Variants in LRRC52 observed in about 807,000 individuals in gnomAD.
LRRC52 encodes leucine rich repeat containing 52.
In LRRC52, 15 loss-of-function variants were observed where a neutral mutation model predicts 14.7. The observed-to-expected ratio is 1.02, with a 90% CI of 0.68 to 1.58. LRRC52 has a LOEUF of 1.58. LRRC52 is among the 40% of genes most tolerant of loss of function. The pLI, the probability that LRRC52 is intolerant of heterozygous loss-of-function variation, is 0.00. For synonymous variants in LRRC52, 180 were observed against 163.9 expected, an observed-to-expected ratio of 1.10 and a Z score of -0.75; for missense variants, 400 against 387.7, an observed-to-expected ratio of 1.03 and a Z score of -0.27.
intron 1 of LRRC52, among the ~76,000 whole-genome samples, chr1:165,560,357 A>G (rs937266710): frequency 6.6e-6 from 1 of 152,198 alleles, no homozygotes; most frequent in Non-Finnish European, 1.5e-5. Flanking sequence ...TCATAATTTA[A>G]AAAAGTACCA....
At chr1:165,558,635 G>A (rs1365555318) in intron 1 of LRRC52, among the ~76,000 whole-genome samples, 2 of 152,054 alleles carry the variant, frequency 1.3e-5, no homozygotes, top group African/African-American at 2.4e-5. Flanking sequence ...AGAAGGTATG[G>A]TTAACGAGCT....
rs779205045 is a variant in LRRC52 at position 165,563,629 on chromosome 1, G to T, written c.747G>T (p.Leu249=). The change falls in exon 2 of 2, where the codon CTG becomes CTT. Residue 249 remains leucine, a synonymous_variant. Transcript: ENST00000294818. Reference sequence around the variant, plus strand: ...ACCACAAAGACTACATCTTCCTGCTGCTCATCGGCTTCTGCATCTTCGCCG... The same window carrying T: ...ACCACAAAGACTACATCTTCCTGCTTCTCATCGGCTTCTGCATCTTCGCCG... The part of the protein sequence containing the change: ...HLDHKDYIFL[L]LIGFCIFAAG... 1.9e-6 allele frequency: 3 copies of T among 1,614,122 alleles called. No individual in the cohort carries two copies. In the Admixed American group the frequency reaches 5.0e-5, roughly 27 times the overall value.
rs774366104 is a variant in LRRC52, at chr1:165,544,905, T to C, written c.609T>C (p.His203=). 3.7e-6 allele frequency: 6 copies of C among 1,613,910 alleles called. No homozygotes were observed. The South Asian group carries it at 6.6e-5, about 18-fold the overall frequency. ...TCGCCATCTTCTTAATAGTGTTCCA[T>C]ATGGACCCCTCAGGTGAGGGCTTGA... The part of the protein sequence containing the change: ...LDFAIFLIVF[H]MDPSDDLNAT... Residue 203 remains histidine (H), a synonymous_variant, in exon 1 of 2, where the codon CAT becomes CAC. Coordinates refer to ENST00000294818, the MANE Select transcript of LRRC52 (RefSeq NM_001005214.4).
At chr1:165,549,016 G>A (rs1459065925) in intron 1 of LRRC52, among the ~76,000 whole-genome samples, 1 of 152,178 alleles carries the variant, frequency 6.6e-6, no homozygotes, top group Non-Finnish European at 1.5e-5. Flanking sequence ...GGGAAGGTGG[G>A]TAGCTGCTTC....
At chr1:165,558,386 C>T (rs1369875660) in intron 1 of LRRC52, among the ~76,000 whole-genome samples, 1 of 152,224 alleles carries the variant, frequency 6.6e-6, no homozygotes, top group East Asian at 1.9e-4. Context: ...TAAAACAGTA[C>T]TTGCCGACCC....
intron 1 of LRRC52, among the ~76,000 whole-genome samples, chr1:165,558,539 C>A (rs895355269): frequency 6.6e-6 from 1 of 152,158 alleles, no homozygotes; most frequent in African/African-American, 2.4e-5. Flanking sequence ...TGTAAAGCAT[C>A]TCATATAGTG....
intron 1 of LRRC52, 58 bp from the exon 2 acceptor site, chr1:165,563,447 T>C: frequency 1.3e-6 from 2 of 1,509,336 alleles, no homozygotes; most frequent in Non-Finnish European, 9.0e-7. Context: ...CCCTTTGGCC[T>C]TAGGACGCTG....
At position 165,544,226 on chromosome 1, in the gene LRRC52, C is replaced by G. The variant is rs285444; in HGVS notation, c.-71C>G. 0.86 allele frequency: 480,018 copies of G among 559,716 alleles called. 205,233 individuals carry two copies. Among genetic ancestry groups the G allele is most frequent in the East Asian group, 0.94 (20,702 of 21,954 alleles). 34.7% of individuals were successfully genotyped at this position (559,716 alleles called of 1,614,324 possible). ...GAGCCCCTCCCCCGCCCCACCCCCC[C>G]ACCGGCAGCCTTCGGATCAGAGGAC... On this transcript the variant is annotated 5_prime_UTR_variant, in exon 1 of 2. Transcript: ENST00000294818.
rs778756397 is a variant in LRRC52, at chr1:165,544,931, T to C, written c.622+13T>C. The C allele has an allele frequency of 2.1e-5, 34 of 1,610,920 alleles. No individual in the cohort carries two copies. The highest frequency in any genetic ancestry group is 2.7e-5 in the Non-Finnish European group (32 of 1,177,660). On this transcript the variant is annotated intron_variant, in intron 1 of 1. Coordinates refer to ENST00000294818, the MANE Select transcript of LRRC52 (RefSeq NM_001005214.4). ...ATGGACCCCTCAGGTGAGGGCTTGATTGGGTGTGGGGAAGAGGATGTGATT... is the reference window on the plus strand; with the variant it reads ...ATGGACCCCTCAGGTGAGGGCTTGACTGGGTGTGGGGAAGAGGATGTGATT...
chr1:165,563,392 A>G, intron 1 of LRRC52, 113 bp from the exon 2 acceptor site: 1 of 903,604 alleles, frequency 1.1e-6, no homozygotes, highest in Non-Finnish European at 1.7e-6. Context: ...GCTGGCCCAC[A>G]GACCACACTT....
chr1:165,544,346 G>C lies in LRRC52; in HGVS notation c.50G>C (p.Gly17Ala), dbSNP rs1557961696. 7 of 1,614,052 alleles carry C rather than the reference G, an allele frequency of 4.3e-6. No homozygotes were observed. The highest frequency in any genetic ancestry group is 5.9e-6 in the Non-Finnish European group (7 of 1,180,022). ...PGPGWLLFSFGMGLVSGSKCP... is the reference protein window; with the variant it reads ...PGPGWLLFSFAMGLVSGSKCP... ...CCTGGGTGGTTACTCTTTTCCTTTG[G>C]AATGGGGCTGGTATCAGGGTCAAAG... The change falls in exon 1 of 2, where the codon GGA becomes GCA. Residue 17 changes from glycine (G) to alanine (A), a missense_variant. Coordinates refer to ENST00000294818, the MANE Select transcript of LRRC52 (RefSeq NM_001005214.4).
intron 1 of LRRC52, among the ~76,000 whole-genome samples, chr1:165,562,982 C>T (rs1661380472): frequency 6.6e-6 from 1 of 152,028 alleles, no homozygotes; most frequent in Admixed American, 6.5e-5. Context: ...GCTTGCAATG[C>T]TCTCGGGGGA....
chr1:165,560,127 G>A (rs1442119325), intron 1 of LRRC52, among the ~76,000 whole-genome samples: 2 of 152,230 alleles, frequency 1.3e-5, no homozygotes, highest in African/African-American at 4.8e-5. Context: ...ACAGACAGTG[G>A]CCCTGGCTGG....
intron 1 of LRRC52, among the ~76,000 whole-genome samples, chr1:165,553,229 T>C (rs1298714088): frequency 6.6e-6 from 1 of 152,138 alleles, no homozygotes; most frequent in Non-Finnish European, 1.5e-5. Context: ...GAGCAACTCA[T>C]GTAGGACAGC....
intron 1 of LRRC52, among the ~76,000 whole-genome samples, chr1:165,561,593 G>C (rs1661345287): frequency 6.6e-6 from 1 of 152,194 alleles, no homozygotes; most frequent in Admixed American, 6.5e-5. Context: ...CCCTCTACTT[G>C]AGAGCTCTCT....
chr1:165,552,763 C>T (rs1661159903), intron 1 of LRRC52, among the ~76,000 whole-genome samples: 1 of 152,146 alleles, frequency 6.6e-6, no homozygotes, highest in South Asian at 2.1e-4. Flanking sequence ...TCTATGACAG[C>T]AGATCTGGAT....
chr1:165,552,659 A>G (rs1661157535), intron 1 of LRRC52, among the ~76,000 whole-genome samples: 1 of 152,346 alleles, frequency 6.6e-6, no homozygotes, highest in South Asian at 2.1e-4. Flanking sequence ...AGCTCCTCTC[A>G]TAGTTTCTTG....
intron 1 of LRRC52, among the ~76,000 whole-genome samples, chr1:165,549,460 G>A (rs949201024): frequency 6.6e-6 from 1 of 152,162 alleles, no homozygotes; most frequent in Non-Finnish European, 1.5e-5. Context: ...GTCACTAGAG[G>A]TTCATCCTTT....
At chr1:165,557,176 C>T (rs16846926) in intron 1 of LRRC52, among the ~76,000 whole-genome samples, 1,902 of 152,278 alleles carry the variant, frequency 0.012, 43 homozygotes, top group African/African-American at 0.044. Flanking sequence ...GCAGTTTGTC[C>T]TCATACTCTT....
Sources: allele counts gnomAD v4.1 joint callset (sites outside exome capture counted in the v4.1 genomes callset), GRCh38; gene constraint gnomAD v4.1.1; transcripts MANE v1.5; gene names NCBI Gene and HGNC (gene_info 2026-07-23, HGNC 2026-07-21).